Variants in PTPRN2 observed in about 807,000 individuals in gnomAD.
PTPRN2 encodes the protein protein tyrosine phosphatase receptor type N2.
A neutral mutation model predicts 118.8 loss-of-function variants in PTPRN2; 74 were observed. The observed-to-expected ratio is 0.62, with a 90% CI of 0.52 to 0.76. The LOEUF (loss-of-function observed/expected upper bound fraction) is 0.76, where lower values mean the gene tolerates loss of function less well. PTPRN2 is among the 30% of genes least tolerant of loss of function. PTPRN2 has a pLI of 0.00. For missense variants in PTPRN2, 1,481 were observed against 1,394.4 expected (o/e 1.06, Z -0.99); for synonymous variants, 641 against 608.0 (o/e 1.05, Z -0.80).
intron 11 of PTPRN2, among the ~76,000 whole-genome samples, chr7:158,056,114 C>T (rs1211470134): frequency 1.3e-5 from 2 of 152,232 alleles, no homozygotes; most frequent in African/African-American, 4.8e-5. Flanking sequence ...AGACCTTCTC[C>T]CACACACTCC....
intron 6 of PTPRN2, among the ~76,000 whole-genome samples, chr7:158,143,279 G>C (rs924144978): frequency 5.9e-5 from 9 of 152,300 alleles, no homozygotes; most frequent in Admixed American, 6.5e-5. Flanking sequence ...AGGGTCCCGG[G>C]CTCCACCAGG....
At chr7:158,118,405 C>G (rs1349863198) in intron 9 of PTPRN2, among the ~76,000 whole-genome samples, 1 of 151,894 alleles carries the variant, frequency 6.6e-6, no homozygotes, top group African/African-American at 2.4e-5. Flanking sequence ...ATAATACGTA[C>G]AAAAAGAAGA....
At chr7:157,864,295 C>A (rs993058874) in intron 12 of PTPRN2, 4 of 152,280 alleles carry the variant, frequency 2.6e-5, no homozygotes, top group Non-Finnish European at 5.9e-5. Flanking sequence ...ACCCGAGGTT[C>A]ACTGGGCACC....
chr7:158,342,294 A>C (rs62493646), intron 2 of PTPRN2, among the ~76,000 whole-genome samples: 1,453 of 68,896 alleles, frequency 0.021, 24 homozygotes, highest in African/African-American at 0.079. Flanking sequence ...TAGAGCTGAC[A>C]CCCGCAGACG....
At chr7:157,612,478 C>T (rs939899544) in intron 15 of PTPRN2, among the ~76,000 whole-genome samples, 4 of 152,250 alleles carry the variant, frequency 2.6e-5, no homozygotes, top group Non-Finnish European at 5.9e-5. Context: ...GCAGCTCACA[C>T]GCCTTATCAC....
chr7:158,207,659 C>T (rs1827262897), intron 3 of PTPRN2, among the ~76,000 whole-genome samples: 1 of 152,136 alleles, frequency 6.6e-6, no homozygotes. Context: ...CCTGGAAAGC[C>T]TTCCCAAGAA....
chr7:158,239,250 A>G (rs73746440), intron 3 of PTPRN2, among the ~76,000 whole-genome samples: 11,604 of 152,210 alleles, frequency 0.076, 706 homozygotes, highest in African/African-American at 0.16. Flanking sequence ...CCCTTGGGGC[A>G]CTGTCTCTCT....
In PTPRN2 at chr7:157,540,656, A is replaced by G; in HGVS notation, c.*58T>C. On this transcript the variant is annotated 3_prime_UTR_variant, in exon 23 of 23. Coordinates refer to ENST00000389418, the MANE Select transcript of PTPRN2 (RefSeq NM_002847.5). ...GAAGACACACAATTAAAGTCAGATC[A>G]TGATTCCTGACAACATCCGTGGGGT... 7.2e-7 allele frequency: 1 copy of G among 1,389,528 alleles called. No individual in the cohort carries two copies. Among genetic ancestry groups the G allele is most frequent in the South Asian group, 1.3e-5 (1 of 79,852 alleles). The allele number at this position is 1,389,528 out of a possible 1,614,324, so 86.1% of individuals were successfully genotyped here.
At chr7:158,450,889 A>G (rs529103660) in intron 2 of PTPRN2, among the ~76,000 whole-genome samples, 39 of 152,278 alleles carry the variant, frequency 2.6e-4, no homozygotes, top group Middle Eastern at 6.8e-3. Flanking sequence ...AGCCGCAGCA[A>G]ACACACCTCT....
intron 2 of PTPRN2, among the ~76,000 whole-genome samples, chr7:158,384,313 C>T (rs1459827286): frequency 6.6e-6 from 1 of 152,212 alleles, no homozygotes; most frequent in Non-Finnish European, 1.5e-5. Flanking sequence ...GACACCAACA[C>T]ATCTCTCAGG....
chr7:157,920,121 T>C (rs1053272097), intron 11 of PTPRN2, among the ~76,000 whole-genome samples: 1 of 152,196 alleles, frequency 6.6e-6, no homozygotes, highest in African/African-American at 2.4e-5. Flanking sequence ...AACATTTATC[T>C]GAAGGCAGCC....
chr7:157,626,196 ATCT>A (rs1330402049), intron 14 of PTPRN2, among the ~76,000 whole-genome samples: 2 of 152,130 alleles, frequency 1.3e-5, no homozygotes, highest in African/African-American at 2.4e-5. Flanking sequence ...CTTCTCGCTG[ATCT>A]TCTTACCATC....
At chr7:158,024,933 T>C (rs888501637) in intron 11 of PTPRN2, among the ~76,000 whole-genome samples, 5 of 152,042 alleles carry the variant, frequency 3.3e-5, no homozygotes, top group African/African-American at 9.7e-5. Context: ...AACGAAAAGA[T>C]TGAGTGGGGT....
chr7:157,654,981 C>T (rs1805974886), intron 14 of PTPRN2, among the ~76,000 whole-genome samples: 1 of 152,192 alleles, frequency 6.6e-6, no homozygotes, highest in African/African-American at 2.4e-5. Flanking sequence ...TCAAAACAGC[C>T]TCAGAAAAGT....
chr7:158,273,006 G>T (rs1798616338), intron 3 of PTPRN2, among the ~76,000 whole-genome samples: 1 of 152,214 alleles, frequency 6.6e-6, no homozygotes, highest in African/African-American at 2.4e-5. Context: ...GAATATGAAA[G>T]TGGCCATGGG....
At chr7:157,777,977 C>CA (rs5888729) in intron 12 of PTPRN2, among the ~76,000 whole-genome samples, 5,931 of 109,566 alleles carry the variant, frequency 0.054, 335 homozygotes, top group African/African-American at 0.14. Context: ...TACACCACAG[C>CA]AAAAAAAAAA....
At chr7:157,681,139 A>G (rs1796897785) in intron 13 of PTPRN2, among the ~76,000 whole-genome samples, 2 of 152,236 alleles carry the variant, frequency 1.3e-5, no homozygotes, top group African/African-American at 4.8e-5. Flanking sequence ...ATGCAAGTCC[A>G]ACCTTTCCAT....
At chr7:157,666,189 G>T (rs1396792493) in intron 13 of PTPRN2, among the ~76,000 whole-genome samples, 6 of 151,450 alleles carry the variant, frequency 4.0e-5, no homozygotes, top group Admixed American at 6.6e-5. Context: ...ATTTATTTTT[G>T]TGCCATGCTG....
At chr7:158,239,312 C>G (rs1267706988) in intron 3 of PTPRN2, among the ~76,000 whole-genome samples, 2 of 152,230 alleles carry the variant, frequency 1.3e-5, no homozygotes, top group Admixed American at 1.3e-4. Flanking sequence ...CGACCTCCAG[C>G]TCTAACCAAG....
Sources: allele counts gnomAD v4.1 joint callset (sites outside exome capture counted in the v4.1 genomes callset), GRCh38; gene constraint gnomAD v4.1.1; transcripts MANE v1.5; gene names NCBI Gene and HGNC (gene_info 2026-07-23, HGNC 2026-07-21).